Variants in NUDCD1 observed in about 807,000 individuals in gnomAD.
The protein encoded by NUDCD1 is nudC domain-containing protein 1.
In NUDCD1, 60 loss-of-function variants were observed where a neutral mutation model predicts 67.8. The observed-to-expected ratio is 0.88, with a 90% CI of 0.72 to 1.10. The LOEUF is 1.10. NUDCD1 is among the 50% of genes least tolerant of loss of function. The pLI, the probability that NUDCD1 is intolerant of heterozygous loss-of-function variation, is 0.00. For synonymous variants in NUDCD1, 244 were observed against 230.8 expected (o/e 1.06, Z -0.52); for missense variants, 643 against 695.0 (o/e 0.93, Z 0.84).
chr8:109,284,881 T>G (rs531476413), intron 5 of NUDCD1, among the ~76,000 whole-genome samples: 1 of 151,858 alleles, frequency 6.6e-6, no homozygotes, highest in South Asian at 2.1e-4. Context: ...AACCAAAAGT[T>G]GGTTTTTTTT....
At chr8:109,332,232 A>C (rs889287985) in intron 1 of NUDCD1, among the ~76,000 whole-genome samples, 1 of 152,196 alleles carries the variant, frequency 6.6e-6, no homozygotes, top group African/African-American at 2.4e-5. Flanking sequence ...ACGAAGCCCA[A>C]AAGTGAAGGC....
At chr8:109,311,556 G>GATATATATATATATATATATAT (rs1563681331) in intron 2 of NUDCD1, among the ~76,000 whole-genome samples, 6 of 53,996 alleles carry the variant, frequency 1.1e-4, no homozygotes, top group African/African-American at 7.6e-4. Flanking sequence ...AAGAAACTGT[G>GATATATATATATATATATATAT]GTGTATATAT....
chr8:109,300,232 T>C (rs529435607), intron 2 of NUDCD1, among the ~76,000 whole-genome samples: 2 of 152,202 alleles, frequency 1.3e-5, no homozygotes, highest in African/African-American at 2.4e-5. Context: ...TCACCAGCAT[T>C]GAATCCAAAC....
intron 9 of NUDCD1, 95 bp from the exon 10 acceptor site, chr8:109,243,396 ACAAATTAAAATGCC>A: frequency 9.8e-7 from 1 of 1,021,854 alleles, no homozygotes; most frequent in Non-Finnish European, 1.4e-6. Flanking sequence ...AATGTTTATT[ACAAATTAAAATGCC>A]CAAGTAAAAT....
At chr8:109,259,186 G>A (rs952088917) in intron 8 of NUDCD1, among the ~76,000 whole-genome samples, 1 of 152,152 alleles carries the variant, frequency 6.6e-6, no homozygotes, top group African/African-American at 2.4e-5. Context: ...CAAAGCAAAA[G>A]GCAGATTTGT....
chr8:109,242,470 A>C lies in NUDCD1; in HGVS notation c.*539T>G, dbSNP rs1813388498. 1 of 234,692 alleles carries C rather than the reference A, an allele frequency of 4.3e-6. No homozygotes were observed. The highest frequency in any genetic ancestry group is 8.1e-6 in the Non-Finnish European group (1 of 123,124). The allele number at this position is 234,692 out of a possible 1,614,324, so 14.5% of individuals were successfully genotyped here. A position where few individuals can be genotyped will look rare whatever the true frequency, so the allele number is the denominator to read the frequency against. ...GGCAGAGCAACTGGCTAAAAGTTACATAAAGCTATACTTAATTTGAAAATA... is the reference window on the plus strand; with the variant it reads ...GGCAGAGCAACTGGCTAAAAGTTACCTAAAGCTATACTTAATTTGAAAATA... On this transcript the variant is annotated 3_prime_UTR_variant, in exon 10 of 10. Coordinates refer to ENST00000239690, the MANE Select transcript of NUDCD1 (RefSeq NM_032869.4).
intron 8 of NUDCD1, among the ~76,000 whole-genome samples, chr8:109,265,843 G>A (rs76168528): frequency 0.021 from 3,150 of 152,150 alleles, 111 homozygotes; most frequent in African/African-American, 0.072. Context: ...GACAGGATGC[G>A]GAGCTCACCC....
At chr8:109,291,304 A>G (rs1814705928) in intron 4 of NUDCD1, among the ~76,000 whole-genome samples, 1 of 152,094 alleles carries the variant, frequency 6.6e-6, no homozygotes, top group South Asian at 2.1e-4. Context: ...CACCATGCCG[A>G]GCTAATGTTT....
chr8:109,244,561 G>A (rs1234232362), intron 9 of NUDCD1, among the ~76,000 whole-genome samples: 2 of 152,024 alleles, frequency 1.3e-5, no homozygotes, highest in East Asian at 3.9e-4. Context: ...TAACTATAAG[G>A]GATAATTAAT....
At position 109,251,536 on chromosome 8, in the gene NUDCD1, A is replaced by G. The variant is rs571740245; in HGVS notation, c.1300-6055T>C. 2.6e-5 allele frequency among the ~76,000 whole-genome samples: 4 copies of G among 152,194 alleles called. No homozygotes were observed. In the South Asian group the frequency reaches 6.2e-4, roughly 24 times the overall value. ...AGCTTAAAAAATTTGTTCCATATAAATTGTCAAATACATGGAAATATAGTT... is the reference window on the plus strand; with the variant it reads ...AGCTTAAAAAATTTGTTCCATATAAGTTGTCAAATACATGGAAATATAGTT... On this transcript the variant is annotated intron_variant, in intron 8 of 9. Coordinates refer to ENST00000239690, the MANE Select transcript of NUDCD1 (RefSeq NM_032869.4).
At chr8:109,309,584 C>G (rs1254537084) in intron 2 of NUDCD1, among the ~76,000 whole-genome samples, 1 of 152,166 alleles carries the variant, frequency 6.6e-6, no homozygotes, top group Non-Finnish European at 1.5e-5. Context: ...TACTCCTCTT[C>G]AAATAGTACT....
Position 109,241,117 on chromosome 8 carries a change from C to G in NUDCD1, c.*1892G>C, listed in dbSNP as rs1023114703. The G allele has an allele frequency of 1.3e-5, 2 of 152,014 alleles. No individual in the cohort carries two copies. Among genetic ancestry groups the G allele is most frequent in the African/African-American group, 4.8e-5 (2 of 41,414 alleles). 9.4% of individuals were successfully genotyped at this position (152,014 alleles called of 1,614,324 possible). ...TCCCTGAAGCATTTCAGGAAAATAG[C>G]TTGAAATCACGGCTCTAGACCTATT... On this transcript the variant is annotated 3_prime_UTR_variant, in exon 10 of 10. Transcript: ENST00000239690.
chr8:109,321,766 A>T (rs1022266473), intron 2 of NUDCD1, among the ~76,000 whole-genome samples: 2 of 152,152 alleles, frequency 1.3e-5, no homozygotes, highest in South Asian at 4.1e-4. Flanking sequence ...AACACTGATA[A>T]ATAGAAAAAG....
intron 4 of NUDCD1, among the ~76,000 whole-genome samples, 157 bp from the exon 5 acceptor site, chr8:109,290,090 C>T (rs1814675513): frequency 6.6e-6 from 1 of 152,118 alleles, no homozygotes; most frequent in African/African-American, 2.4e-5. Flanking sequence ...AAACAATTTA[C>T]AATCTAATTT....
chr8:109,323,401 C>T (rs1395814057), intron 1 of NUDCD1, among the ~76,000 whole-genome samples: 2 of 151,994 alleles, frequency 1.3e-5, no homozygotes, highest in African/African-American at 2.4e-5. Context: ...TTTCAATAGG[C>T]ATCGATGACA....
chr8:109,285,457 T>C (rs1168843978), intron 5 of NUDCD1, among the ~76,000 whole-genome samples: 25 of 152,172 alleles, frequency 1.6e-4, no homozygotes, highest in Admixed American at 1.5e-3. Context: ...AAAAATTTAA[T>C]TGACCATGAT....
In NUDCD1 at chr8:109,274,559, T is replaced by G. The variant is rs575896606; in HGVS notation, c.1173+793A>C. ...AGAATTCCAGTGATTTCTGAAATTT[T>G]CAATTACTACTGGCAAACATGAAAC... On this transcript the variant is annotated intron_variant, in intron 7 of 9. Coordinates refer to ENST00000239690, the MANE Select transcript of NUDCD1 (RefSeq NM_032869.4). Among the ~76,000 whole-genome samples the G allele has an allele frequency of 1.1e-4, 17 of 152,314 alleles. No individual in the cohort carries two copies. In the East Asian group the frequency reaches 1.9e-3, roughly 17 times the overall value.
In NUDCD1 at chr8:109,296,462, A is replaced by G; in HGVS notation, c.381T>C (p.Val127=). Residue 127 remains valine, a synonymous_variant, in exon 3 of 10, where the codon GTT becomes GTC. Coordinates refer to ENST00000239690, the MANE Select transcript of NUDCD1 (RefSeq NM_032869.4). The stretch of plus-strand genomic sequence containing the variant: ...ATCTTCCAGTTCCATCTGACAAGGT[A>G]ACCCAGGTAGAAGATGAGAAATGGA... ...ASIHFSSSTW[V]TLSDGTGRLY... The G allele has an allele frequency of 6.2e-7, 1 of 1,613,608 alleles. No individual in the cohort carries two copies. Among genetic ancestry groups the G allele is most frequent in the Non-Finnish European group, 8.5e-7 (1 of 1,179,586 alleles).
chr8:109,296,996 C>CTA (rs1814859107), intron 2 of NUDCD1, among the ~76,000 whole-genome samples: 1 of 152,144 alleles, frequency 6.6e-6, no homozygotes, highest in South Asian at 2.1e-4. Flanking sequence ...GCAGCCCTGG[C>CTA]TATCGTTTTG....
Sources: gnomAD v4.1 joint callset for allele counts (sites outside exome capture counted in the v4.1 genomes callset) on GRCh38, gnomAD v4.1.1 for gene constraint, MANE v1.5 for transcripts, NCBI Gene and HGNC (gene_info 2026-07-23, HGNC 2026-07-21) for gene names.